ATP11C: variants seen among roughly 807,000 people sequenced by gnomAD.
ATP11C encodes phospholipid-transporting ATPase IG.
A neutral mutation model predicts 97.4 loss-of-function variants in ATP11C; 36 were observed. That is an observed-to-expected ratio of 0.37 (90% CI 0.28 to 0.49). ATP11C has a LOEUF of 0.49. ATP11C is among the 20% of genes least tolerant of loss of function. The probability of loss-of-function intolerance (pLI) is 0.98; values close to 1 mark genes in which losing one functional copy is unlikely to be tolerated. For missense variants in ATP11C, 730 were observed against 824.6 expected (o/e 0.89, Z 1.40); for synonymous variants, 275 against 290.9 (o/e 0.95, Z 0.56).
chrX:139,822,391 T>G (rs1294515543), intron 2 of ATP11C, among the ~76,000 whole-genome samples: 1 of 103,675 alleles, frequency 9.6e-6, no homozygotes, highest in Non-Finnish European at 1.9e-5. Flanking sequence ...TTTTGTTTTT[T>G]GGGTTTTTTT....
At position 139,914,664 on chromosome X, in the gene ATP11C, C is replaced by T. The variant is rs1020723496; in HGVS notation, c.27+17352G>A. 3.6e-5 allele frequency among the ~76,000 whole-genome samples: 4 copies of T among 111,627 alleles called. No homozygotes were observed. The Admixed American group carries it at 3.8e-4, about 11-fold the overall frequency. ...GCCTGAGTAGAACAAAAAGGCTGCCCTTCCCCTTCCCTCAGCTAAGGAATA... is the reference window on the plus strand; with the variant it reads ...GCCTGAGTAGAACAAAAAGGCTGCCTTTCCCCTTCCCTCAGCTAAGGAATA... On this transcript the variant is annotated intron_variant, in intron 1 of 29. Coordinates refer to ENST00000682941, the MANE Select transcript of ATP11C (RefSeq NM_001353812.2).
At chrX:139,781,695 C>T (rs1205040874) in intron 18 of ATP11C, among the ~76,000 whole-genome samples, 3 of 110,017 alleles carry the variant, frequency 2.7e-5, no homozygotes, top group South Asian at 7.7e-4. Flanking sequence ...CCAGCCTGGG[C>T]GACAGAGCAA....
chrX:139,809,159 TTCTGC>T (rs931715706), intron 5 of ATP11C, among the ~76,000 whole-genome samples: 5 of 109,937 alleles, frequency 4.5e-5, no homozygotes, highest in Non-Finnish European at 9.5e-5. Context: ...AACCTAGTAA[TTCTGC>T]TCTAAGTTAT....
chrX:139,848,000 A>G (rs950421834), intron 1 of ATP11C, among the ~76,000 whole-genome samples: 7 of 111,169 alleles, frequency 6.3e-5, no homozygotes, highest in Non-Finnish European at 1.3e-4. Context: ...ATGGTCATCT[A>G]TCCATCTCCT....
chrX:139,790,595 GT>G (rs1229881102), intron 12 of ATP11C, among the ~76,000 whole-genome samples: 1 of 110,057 alleles, frequency 9.1e-6, no homozygotes, highest in African/African-American at 3.3e-5. Context: ...ACTGATGAAG[GT>G]TTTTTTCCCC....
chrX:139,853,163 T>C (rs1476333326), intron 1 of ATP11C, among the ~76,000 whole-genome samples: 1 of 111,114 alleles, frequency 9.0e-6, no homozygotes, highest in Non-Finnish European at 1.9e-5. Context: ...CCTTTCTTCT[T>C]AGAGGAAGAA....
intron 1 of ATP11C, among the ~76,000 whole-genome samples, chrX:139,846,905 A>G (rs1206913763): frequency 9.3e-6 from 1 of 107,636 alleles, no homozygotes; most frequent in Non-Finnish European, 1.9e-5. Context: ...CACTGCTTAC[A>G]TGGCATTTAC....
At chrX:139,737,694 G>A (rs1205285395) in intron 28 of ATP11C, 4 of 455,590 alleles carry the variant, frequency 8.8e-6, no homozygotes, top group South Asian at 3.2e-5. Flanking sequence ...ATGGATTGCC[G>A]AAGGTCACAT....
Position 139,734,206 on chromosome X carries a change from T to C in ATP11C, c.3289-2451A>G, listed in dbSNP as rs976207448. Among the ~76,000 whole-genome samples, 5 of 111,983 alleles carry C rather than the reference T, an allele frequency of 4.5e-5. No individual in the cohort carries two copies. The Admixed American group carries it at 4.7e-4, about 11-fold the overall frequency. On this transcript the variant is annotated intron_variant, in intron 28 of 29. Coordinates refer to ENST00000682941, the MANE Select transcript of ATP11C (RefSeq NM_001353812.2). ...TATGACACTGTAAGAATCATAATAG[T>C]AATCATCATTATTATAATGATTAAC... is the stretch of plus-strand genomic sequence containing the variant.
chrX:139,787,361 G>A (rs868059823), intron 14 of ATP11C, 117 bp from the exon 15 acceptor site: 7 of 523,289 alleles, frequency 1.3e-5, no homozygotes, highest in South Asian at 1.2e-4. Flanking sequence ...GCAGTGGCGC[G>A]ATCTCGGCTC....
intron 1 of ATP11C, chrX:139,832,323 G>T: frequency 9.0e-7 from 1 of 1,112,614 alleles, no homozygotes; most frequent in South Asian, 2.4e-5. Context: ...GCCAATTATG[G>T]CTTGCCTAGT....
intron 1 of ATP11C, among the ~76,000 whole-genome samples, chrX:139,921,180 G>A (rs773416775): frequency 5.4e-5 from 6 of 111,670 alleles, no homozygotes; most frequent in Admixed American, 9.5e-5. Flanking sequence ...TAAGCATGGT[G>A]TCGTGATGAA....
chrX:139,760,730 TGAG>T (rs1458619944), intron 22 of ATP11C, among the ~76,000 whole-genome samples: 1 of 111,584 alleles, frequency 9.0e-6, no homozygotes. Context: ...AAGGTATTGT[TGAG>T]GAAACTACTT....
chrX:139,886,770 G>A (rs981116873), intron 1 of ATP11C, among the ~76,000 whole-genome samples: 1 of 110,855 alleles, frequency 9.0e-6, no homozygotes, highest in African/African-American at 3.3e-5. Flanking sequence ...AATATCATCA[G>A]TATTGCAATT....
intron 19 of ATP11C, among the ~76,000 whole-genome samples, chrX:139,769,360 G>C (rs1437817090): frequency 1.1e-5 from 1 of 87,644 alleles, no homozygotes; most frequent in Non-Finnish European, 2.2e-5. Flanking sequence ...TACTAGCTTA[G>C]TGGTTCTCTA....
At chrX:139,796,927 T>C (rs1239620245) in intron 11 of ATP11C, among the ~76,000 whole-genome samples, 2 of 109,267 alleles carry the variant, frequency 1.8e-5, no homozygotes, top group African/African-American at 6.8e-5. Flanking sequence ...GAAAAAAAAC[T>C]CTTTTTTTCT....
At chrX:139,917,093 A>T (rs1020391336) in intron 1 of ATP11C, among the ~76,000 whole-genome samples, 6 of 111,674 alleles carry the variant, frequency 5.4e-5, no homozygotes, top group Admixed American at 2.9e-4. Context: ...GTGCCAGGAA[A>T]ACTGGACATC....
rs751498809 is a variant in ATP11C, at chrX:139,887,671, T to G, written c.27+44345A>C. On this transcript the variant is annotated intron_variant, in intron 1 of 29. Coordinates refer to ENST00000682941, the MANE Select transcript of ATP11C (RefSeq NM_001353812.2). ...GAAAAATGGAACTTCAATCAAAACTTAAAACTACTGCTCTTGGGCTGGGGG... is the reference window on the plus strand; with the variant it reads ...GAAAAATGGAACTTCAATCAAAACTGAAAACTACTGCTCTTGGGCTGGGGG... Among the ~76,000 whole-genome samples the G allele has an allele frequency of 1.5e-3, 162 of 108,593 alleles. 1 individual carries two copies. The highest frequency in any genetic ancestry group is 2.7e-3 in the Non-Finnish European group (140 of 52,235). The allele number at this position is 108,593 out of a possible 115,157, so 94.3% of individuals were successfully genotyped here.
chrX:139,921,325 TAGTG>T (rs1481922965), intron 1 of ATP11C, among the ~76,000 whole-genome samples: 10 of 111,201 alleles, frequency 9.0e-5, no homozygotes, highest in South Asian at 3.8e-4. Flanking sequence ...GTTCTCGTGA[TAGTG>T]AGTGAGTCTC....
Sources: allele counts gnomAD v4.1 joint callset (sites outside exome capture counted in the v4.1 genomes callset), GRCh38; gene constraint gnomAD v4.1.1; transcripts MANE v1.5; gene names NCBI Gene and HGNC (gene_info 2026-07-23, HGNC 2026-07-21).